Variants in FRMD6 observed in about 807,000 individuals in gnomAD.
FRMD6 encodes the protein FERM domain-containing protein 6.
FRMD6 carries 37 observed loss-of-function variants against 73.2 expected under a neutral mutation model. The observed-to-expected ratio is 0.51, with a 90% CI of 0.39 to 0.66. The LOEUF (loss-of-function observed/expected upper bound fraction) is 0.66, where lower values mean the gene tolerates loss of function less well. Ranked by LOEUF, FRMD6 falls within the 30% of genes least tolerant of loss-of-function variation. The pLI is 0.00. For synonymous variants in FRMD6, 273 were observed against 282.2 expected (o/e 0.97, Z 0.33); for missense variants, 714 against 780.5 (o/e 0.91, Z 1.02).
intron 1 of FRMD6, among the ~76,000 whole-genome samples, chr14:51,520,767 A>G (rs985988616): frequency 6.6e-6 from 1 of 152,002 alleles, no homozygotes; most frequent in African/African-American, 2.4e-5. Flanking sequence ...AAATTAGCCA[A>G]GCATGGTGGC....
At chr14:51,402,467 G>T in the FRMD6 span, among the ~76,000 whole-genome samples, 2 of 152,170 alleles carry the variant, frequency 1.3e-5, no homozygotes, top group African/African-American at 4.8e-5. Context: ...TTAAAAACGG[G>T]AGTTTCCCTG....
the FRMD6 span, among the ~76,000 whole-genome samples, chr14:51,445,416 C>A: frequency 2.6e-5 from 4 of 152,018 alleles, no homozygotes; most frequent in Non-Finnish European, 5.9e-5. Context: ...AATAAGTCCC[C>A]AGGTTTCCTA....
chr14:51,437,447 C>G, the FRMD6 span, among the ~76,000 whole-genome samples: 176 of 152,260 alleles, frequency 1.2e-3, no homozygotes, highest in Non-Finnish European at 1.7e-3. Context: ...GGACTACAGG[C>G]AAGCACCACC....
At chr14:51,535,592 G>A (rs1264965821) in intron 1 of FRMD6, among the ~76,000 whole-genome samples, 1 of 152,218 alleles carries the variant, frequency 6.6e-6, no homozygotes, top group African/African-American at 2.4e-5. Context: ...ATTCCACGAT[G>A]TGGATATACC....
chr14:51,623,668 C>A (rs550580215), intron 2 of FRMD6, among the ~76,000 whole-genome samples: 49 of 152,302 alleles, frequency 3.2e-4, no homozygotes, highest in African/African-American at 1.2e-3. Flanking sequence ...CTGCTGCCCC[C>A]CTCTCACCAT....
chr14:51,590,527 A>G (rs1318573705), intron 2 of FRMD6, among the ~76,000 whole-genome samples: 4 of 152,240 alleles, frequency 2.6e-5, no homozygotes, highest in Non-Finnish European at 5.9e-5. Context: ...GGTTTATGCA[A>G]CAGCATTTCT....
the FRMD6 span, among the ~76,000 whole-genome samples, chr14:51,400,693 G>A: frequency 6.6e-6 from 1 of 152,124 alleles, no homozygotes; most frequent in Admixed American, 6.5e-5. Context: ...CTGATTCTTG[G>A]TGAGCATGGA....
chr14:51,505,003 C>T (rs768058476), intron 1 of FRMD6, among the ~76,000 whole-genome samples: 1 of 152,132 alleles, frequency 6.6e-6, no homozygotes, highest in Non-Finnish European at 1.5e-5. Context: ...TTGGGAAAGA[C>T]CTCAGGTGAA....
intron 2 of FRMD6, among the ~76,000 whole-genome samples, chr14:51,583,689 A>G (rs1888860857): frequency 6.6e-6 from 1 of 152,212 alleles, no homozygotes; most frequent in Admixed American, 6.5e-5. Context: ...ATTTGACTCC[A>G]GGTGGTCTGG....
chr14:51,726,912 A>G (rs1320128535), intron 13 of FRMD6, among the ~76,000 whole-genome samples: 1 of 152,246 alleles, frequency 6.6e-6, no homozygotes, highest in East Asian at 1.9e-4. Context: ...GGTGGGAAGC[A>G]GCAAAATTTA....
intron 1 of FRMD6, among the ~76,000 whole-genome samples, chr14:51,557,495 C>T (rs1055136686): frequency 2.0e-5 from 3 of 151,986 alleles, no homozygotes; most frequent in Admixed American, 1.3e-4. Flanking sequence ...AAGGCTAGGG[C>T]AGGGTGATGG....
chr14:51,440,842 A>G, the FRMD6 span, among the ~76,000 whole-genome samples: 120 of 152,358 alleles, frequency 7.9e-4, 1 homozygote, highest in African/African-American at 2.8e-3. Context: ...GAAGCTATTT[A>G]TTAGTCCCAT....
At chr14:51,649,370 CTTT>C (rs918044713), upstream of FRMD6, 1 of 150,008 alleles carries the variant, frequency 6.7e-6, no homozygotes, top group African/African-American at 2.5e-5. Flanking sequence ...CTTAAACACA[CTTT>C]TTTTTTTAAA....
the FRMD6 span, among the ~76,000 whole-genome samples, chr14:51,408,549 A>T: frequency 6.6e-6 from 1 of 152,090 alleles, no homozygotes; most frequent in Non-Finnish European, 1.5e-5. Context: ...AACTCTGTCA[A>T]ATCAACTTTT....
At chr14:51,699,595 A>G (rs541037186) in intron 3 of FRMD6, among the ~76,000 whole-genome samples, 17 of 152,174 alleles carry the variant, frequency 1.1e-4, no homozygotes, top group Non-Finnish European at 1.9e-4. Context: ...ACCCCTAACT[A>G]GCACTTGACT....
rs1179201567 is a variant in FRMD6, at chr14:51,499,141, G to C, written c.-210+9721G>C. 3.3e-5 allele frequency among the ~76,000 whole-genome samples: 5 copies of C among 152,260 alleles called. No individual in the cohort carries two copies. The East Asian group carries it at 9.6e-4, about 29-fold the overall frequency. On this transcript the variant is annotated intron_variant, in intron 1 of 14. Transcript: ENST00000356218. ...ACAGAGAGACCTCACAGGATCCCTTGCAATAGATAACGTTCAATAAACACA... is the reference window on the plus strand; with the variant it reads ...ACAGAGAGACCTCACAGGATCCCTTCCAATAGATAACGTTCAATAAACACA...
intron 2 of FRMD6, among the ~76,000 whole-genome samples, chr14:51,592,199 A>C (rs1390323675): frequency 3.9e-5 from 6 of 152,224 alleles, no homozygotes; most frequent in Non-Finnish European, 7.3e-5. Context: ...ATTTACAAAA[A>C]AGCTTGGTTT....
chr14:51,411,036 CCT>C, the FRMD6 span, among the ~76,000 whole-genome samples: 1 of 152,184 alleles, frequency 6.6e-6, no homozygotes, highest in African/African-American at 2.4e-5. Flanking sequence ...TTAGTTAACC[CCT>C]GTCTTTGTAG....
intron 1 of FRMD6, among the ~76,000 whole-genome samples, chr14:51,677,048 G>A (rs1422534401): frequency 1.3e-5 from 2 of 151,502 alleles, no homozygotes; most frequent in East Asian, 3.9e-4. Context: ...TTTGAGATTC[G>A]CACTTGTTAA....
Sources: gnomAD v4.1 joint callset for allele counts (sites outside exome capture counted in the v4.1 genomes callset) on GRCh38, gnomAD v4.1.1 for gene constraint, MANE v1.5 for transcripts, NCBI Gene and HGNC (gene_info 2026-07-23, HGNC 2026-07-21) for gene names.